Variants in NTNG1 observed in about 807,000 individuals in gnomAD.
The protein encoded by NTNG1 is netrin-G1.
NTNG1 carries 16 observed loss-of-function variants against 54.0 expected under a neutral mutation model. The observed-to-expected ratio is 0.30, with a 90% CI of 0.20 to 0.45. The LOEUF is 0.45. Among genes scored for constraint, NTNG1 ranks in the 20% least tolerant of loss-of-function variants. The pLI, the probability that NTNG1 is intolerant of heterozygous loss-of-function variation, is 1.00. For missense variants in NTNG1, 530 were observed against 678.7 expected, an observed-to-expected ratio of 0.78 and a Z score of 2.43; for synonymous variants, 255 against 263.1, an observed-to-expected ratio of 0.97 and a Z score of 0.30.
chr1:107,204,597 G>T (rs1361741034), intron 2 of NTNG1, among the ~76,000 whole-genome samples: 1 of 152,046 alleles, frequency 6.6e-6, no homozygotes. Flanking sequence ...ATACAATCAA[G>T]GATAATAATT....
intron 3 of NTNG1, among the ~76,000 whole-genome samples, chr1:107,393,013 A>T (rs1365631682): frequency 6.6e-6 from 1 of 152,162 alleles, no homozygotes; most frequent in African/African-American, 2.4e-5. Context: ...AAAAAATAAG[A>T]CTAAACATTC....
intron 1 of NTNG1, among the ~76,000 whole-genome samples, chr1:107,145,682 A>T (rs1391158523): frequency 6.6e-6 from 1 of 152,106 alleles, no homozygotes; most frequent in African/African-American, 2.4e-5. Context: ...ACAACTGGTT[A>T]TGTGCCAGAA....
intron 3 of NTNG1, among the ~76,000 whole-genome samples, chr1:107,339,195 A>T (rs758850630): frequency 1.9e-4 from 29 of 152,024 alleles, no homozygotes; most frequent in Non-Finnish European, 3.7e-4. Flanking sequence ...AGGGGCTCTC[A>T]AATTCTCTTT....
At position 107,324,439 on chromosome 1, in the gene NTNG1, C is replaced by G; in HGVS notation, c.404C>G (p.Thr135Ser). 1 of 1,613,872 alleles carries G rather than the reference C, an allele frequency of 6.2e-7. No homozygotes were observed. Among genetic ancestry groups the G allele is most frequent in the Non-Finnish European group, 8.5e-7 (1 of 1,179,866 alleles). ...CCCAAGCCTCTCCAGGTTAACATCA[C>G]TCTGTCTTGGAGCAAAACCATTGAG... ...EYPKPLQVNI[T>S]LSWSKTIELT... Residue 135 changes from threonine to serine, a missense_variant, in exon 3 of 8, where the codon ACT becomes AGT. Physicochemically the swap from Thr to Ser is moderately conservative, Grantham distance 58 (BLOSUM62 1). Transcript: ENST00000370068.
chr1:107,419,961 T>C (rs944490166), intron 5 of NTNG1, among the ~76,000 whole-genome samples: 2 of 152,068 alleles, frequency 1.3e-5, no homozygotes, highest in African/African-American at 4.8e-5. Context: ...CTTGCCCCTA[T>C]TAGTATAATT....
chr1:107,208,717 C>T (rs1385486823), intron 2 of NTNG1, among the ~76,000 whole-genome samples: 1 of 152,094 alleles, frequency 6.6e-6, no homozygotes, highest in Non-Finnish European at 1.5e-5. Flanking sequence ...AGGCATGTAT[C>T]CCCTACTCTC....
chr1:107,283,426 T>C (rs2101735625), intron 2 of NTNG1, among the ~76,000 whole-genome samples: 1 of 152,304 alleles, frequency 6.6e-6, no homozygotes, highest in South Asian at 2.1e-4. Context: ...CTCCACCCTG[T>C]CCAATCCTCA....
intron 2 of NTNG1, among the ~76,000 whole-genome samples, chr1:107,180,664 A>G (rs915939209): frequency 6.6e-6 from 1 of 152,168 alleles, no homozygotes; most frequent in Non-Finnish European, 1.5e-5. Context: ...TTCTGAATAT[A>G]TTGCCTTTAT....
intron 4 of NTNG1, among the ~76,000 whole-genome samples, chr1:107,403,363 T>C (rs1228361787): frequency 6.6e-6 from 1 of 152,142 alleles, no homozygotes; most frequent in Non-Finnish European, 1.5e-5. Flanking sequence ...ATTTCTGTTC[T>C]AGAAGAAGCG....
At chr1:107,338,741 A>C (rs1570712859) in intron 3 of NTNG1, among the ~76,000 whole-genome samples, 1 of 151,918 alleles carries the variant, frequency 6.6e-6, no homozygotes, top group Non-Finnish European at 1.5e-5. Context: ...CTAAATATCA[A>C]AACAATTATT....
chr1:107,334,465 C>T (rs1668463107), intron 3 of NTNG1, among the ~76,000 whole-genome samples: 1 of 151,400 alleles, frequency 6.6e-6, no homozygotes, highest in Admixed American at 6.6e-5. Context: ...GAAGGGTGGG[C>T]CAAGAGATGA....
intron 2 of NTNG1, among the ~76,000 whole-genome samples, chr1:107,277,908 CTAAT>C (rs1287475426): frequency 6.6e-6 from 1 of 152,162 alleles, no homozygotes; most frequent in Non-Finnish European, 1.5e-5. Flanking sequence ...AACCTTAACT[CTAAT>C]AAATAAATAA....
chr1:107,472,284 C>T (rs138621981), intron 7 of NTNG1, among the ~76,000 whole-genome samples: 1 of 152,296 alleles, frequency 6.6e-6, no homozygotes, highest in African/African-American at 2.4e-5. Context: ...CATCCATCAT[C>T]ATATATTTGG....
intron 7 of NTNG1, among the ~76,000 whole-genome samples, chr1:107,445,366 AC>A (rs1212281188): frequency 6.6e-6 from 1 of 152,150 alleles, no homozygotes; most frequent in Admixed American, 6.6e-5. Context: ...CTGAAATCTT[AC>A]AAATGGTCCC....
intron 3 of NTNG1, among the ~76,000 whole-genome samples, chr1:107,367,060 CTGTT>C (rs1205305877): frequency 1.1e-4 from 14 of 132,806 alleles, no homozygotes; most frequent in African/African-American, 3.1e-4. Flanking sequence ...TGTCTTTTAT[CTGTT>C]CGTGTGTGTG....
chr1:107,223,723 G>T (rs116615495), intron 2 of NTNG1, among the ~76,000 whole-genome samples: 2 of 152,148 alleles, frequency 1.3e-5, no homozygotes, highest in South Asian at 2.1e-4. Context: ...AAAGAAAAAA[G>T]GTATCTCTAG....
intron 2 of NTNG1, among the ~76,000 whole-genome samples, chr1:107,179,940 C>T (rs1234068167): frequency 6.6e-6 from 1 of 152,034 alleles, no homozygotes; most frequent in Admixed American, 6.6e-5. Flanking sequence ...AATGGTTGTC[C>T]AATATGCAAG....
intron 3 of NTNG1, among the ~76,000 whole-genome samples, chr1:107,393,916 A>AAAAAT (rs1187070847): frequency 4.6e-5 from 7 of 152,122 alleles, no homozygotes; most frequent in Non-Finnish European, 8.8e-5. Flanking sequence ...GGCCCAAGAG[A>AAAAAT]AAAATAAAAT....
chr1:107,410,964 T>C (rs1408653443), intron 5 of NTNG1, among the ~76,000 whole-genome samples: 2 of 152,170 alleles, frequency 1.3e-5, no homozygotes, highest in African/African-American at 4.8e-5. Flanking sequence ...GAGGTTAAAG[T>C]TAAGCTATCC....
Sources: gnomAD v4.1 joint callset for allele counts (sites outside exome capture counted in the v4.1 genomes callset) on GRCh38, gnomAD v4.1.1 for gene constraint, MANE v1.5 for transcripts, NCBI Gene and HGNC (gene_info 2026-07-23, HGNC 2026-07-21) for gene names.